Variants in SLC39A14 observed in about 807,000 individuals in gnomAD.
The protein encoded by SLC39A14 is solute carrier family 39 member 14, also known as metal cation symporter ZIP14.
Under a neutral mutation model 45.5 loss-of-function variants are expected in SLC39A14, and 19 were observed. The observed-to-expected ratio is 0.42, with a 90% CI of 0.29 to 0.61. The LOEUF (loss-of-function observed/expected upper bound fraction) is 0.61, where lower values mean the gene tolerates loss of function less well. SLC39A14 is among the 20% of genes least tolerant of loss of function. The pLI, the probability that SLC39A14 is intolerant of heterozygous loss-of-function variation, is 0.22. For synonymous variants in SLC39A14, 264 were observed against 251.3 expected (o/e 1.05, Z -0.48); for missense variants, 447 against 616.5 (o/e 0.73, Z 2.91).
chr8:22,395,152 G>A (rs969171803), intron 1 of SLC39A14, among the ~76,000 whole-genome samples: 13 of 152,106 alleles, frequency 8.5e-5, no homozygotes, highest in African/African-American at 2.9e-4. Context: ...TGAGACTACA[G>A]GTGTGCGCCA....
At chr8:22,377,803 G>A (rs1833296322) in intron 1 of SLC39A14, among the ~76,000 whole-genome samples, 1 of 152,148 alleles carries the variant, frequency 6.6e-6, no homozygotes, top group South Asian at 2.1e-4. Flanking sequence ...AGAGGCAAGT[G>A]TTTCTGATTT....
At chr8:22,382,153 C>T (rs545221921) in intron 1 of SLC39A14, among the ~76,000 whole-genome samples, 3 of 150,330 alleles carry the variant, frequency 2.0e-5, no homozygotes, top group Non-Finnish European at 3.0e-5. Context: ...AAAACAACAA[C>T]CAAAAAAAAC....
intron 1 of SLC39A14, 146 bp from the exon 2 acceptor site, chr8:22,404,550 T>G: frequency 1.5e-6 from 1 of 678,248 alleles, no homozygotes; most frequent in South Asian, 2.2e-5. Flanking sequence ...AAAAGAAGGG[T>G]TTTTCTCAAA....
chr8:22,386,059 C>T (rs1429433216), intron 1 of SLC39A14, among the ~76,000 whole-genome samples: 3 of 152,040 alleles, frequency 2.0e-5, no homozygotes, highest in Non-Finnish European at 2.9e-5. Context: ...CCTGCCTCAG[C>T]TTCCCAAGTA....
chr8:22,378,082 C>G (rs138154193), intron 1 of SLC39A14, among the ~76,000 whole-genome samples: 220 of 152,324 alleles, frequency 1.4e-3, no homozygotes, highest in African/African-American at 5.0e-3. Context: ...ACCACTACCA[C>G]TCATTTCCAT....
chr8:22,415,706 G>T (rs947342791), intron 5 of SLC39A14, 63 bp from the exon 6 acceptor site: 64 of 1,498,178 alleles, frequency 4.3e-5, no homozygotes, highest in Non-Finnish European at 2.5e-5. Context: ...CTTGGAGCAG[G>T]TGCTCAATCA....
At chr8:22,379,207 G>C (rs867935936) in intron 1 of SLC39A14, among the ~76,000 whole-genome samples, 21 of 152,164 alleles carry the variant, frequency 1.4e-4, no homozygotes, top group African/African-American at 5.1e-4. Context: ...ATTGGATTTA[G>C]GGCCCATCGT....
intron 1 of SLC39A14, among the ~76,000 whole-genome samples, chr8:22,388,520 G>A (rs1425388947): frequency 6.6e-6 from 1 of 152,038 alleles, no homozygotes; most frequent in East Asian, 1.9e-4. Flanking sequence ...ATTGCTGGAG[G>A]GACGGAGTGT....
At chr8:22,400,600 A>C (rs1014295729) in intron 1 of SLC39A14, among the ~76,000 whole-genome samples, 2 of 152,238 alleles carry the variant, frequency 1.3e-5, no homozygotes, top group African/African-American at 4.8e-5. Context: ...TGTGAATCTC[A>C]AAGTAGCACT....
At chr8:22,398,992 C>T (rs79627941) in intron 1 of SLC39A14, among the ~76,000 whole-genome samples, 1 of 152,338 alleles carries the variant, frequency 6.6e-6, no homozygotes, top group African/African-American at 2.4e-5. Context: ...AGTGCACCCT[C>T]AGGCAGAGAG....
Position 22,404,821 on chromosome 8 carries a change from T to C in SLC39A14, c.111T>C (p.Ala37=), listed in dbSNP as rs1432647611. The C allele has an allele frequency of 6.2e-7, 1 of 1,613,618 alleles. No individual in the cohort carries two copies. Among genetic ancestry groups the C allele is most frequent in the Non-Finnish European group, 8.5e-7 (1 of 1,179,550 alleles). ...ACGCTTCATCCCTGGGTGCACCAGCTATCAGCGCTGCCTCCTTCCTGCAGG... is the reference window on the plus strand; with the variant it reads ...ACGCTTCATCCCTGGGTGCACCAGCCATCAGCGCTGCCTCCTTCCTGCAGG... ...EAHASSLGAP[A]ISAASFLQDL... The change falls in exon 2 of 9, where the codon GCT becomes GCC. Residue 37 remains alanine, a synonymous_variant. Transcript: ENST00000381237.
chr8:22,432,507 C>T (rs1213749705), intron 8 of SLC39A14, among the ~76,000 whole-genome samples: 1 of 150,994 alleles, frequency 6.6e-6, no homozygotes, highest in African/African-American at 2.4e-5. Context: ...AGAACAGGGT[C>T]TTGCTCTGCC....
intron 1 of SLC39A14, among the ~76,000 whole-genome samples, chr8:22,369,847 C>G (rs1222660828): frequency 2.0e-5 from 3 of 151,928 alleles, no homozygotes; most frequent in Non-Finnish European, 4.4e-5. Flanking sequence ...ATTTAGGGGT[C>G]CCAGAGGCTG....
At chr8:22,411,765 G>A (rs1378315521) in intron 3 of SLC39A14, 2 of 405,304 alleles carry the variant, frequency 4.9e-6, no homozygotes, top group East Asian at 4.8e-5. Flanking sequence ...AAGTCACAGG[G>A]TTCCAAGGCC....
At position 22,420,715 on chromosome 8, in the gene SLC39A14, G is replaced by T. The variant is rs1353462658; in HGVS notation, c.*1017G>T. On this transcript the variant is annotated 3_prime_UTR_variant, in exon 9 of 9. Transcript: ENST00000381237. ...ACTTAGACAAGGGTAATCAGAAATG[G>T]AATCAGTGCAGGCAAAATTTAGGAT... 1.0e-6 allele frequency: 1 copy of T among 985,420 alleles called. No individual in the cohort carries two copies. The highest frequency in any genetic ancestry group is 1.2e-6 in the Non-Finnish European group (1 of 829,932). 61.0% of individuals were successfully genotyped at this position (985,420 alleles called of 1,614,324 possible). A position where few individuals can be genotyped will look rare whatever the true frequency, so the allele number is the denominator to read the frequency against.
chr8:22,425,028 C>CAAAAAAAA (rs71544902), downstream of SLC39A14, among the ~76,000 whole-genome samples: 1 of 74,344 alleles, frequency 1.3e-5, no homozygotes, highest in African/African-American at 4.6e-5. Context: ...GACTCCGTCT[C>CAAAAAAAA]AAAAAAAAAA....
rs559955528 is a variant in SLC39A14 at position 22,367,293 on chromosome 8, G to A, written c.-131G>A. ...CGGTGCCGGGGCCCGGACGCAGTGA[G>A]GGGGGTCGGCGCGCGTGTCTACGCG... is the stretch of plus-strand genomic sequence containing the variant. On this transcript the variant is annotated 5_prime_UTR_variant, in exon 1 of 9. Transcript: ENST00000381237. This position sits in a 1 kb window ranked among gnomAD's most constrained non-coding sequence, Gnocchi z 4.2. 1.3e-5 allele frequency: 2 copies of A among 151,376 alleles called. No homozygotes were observed. Among genetic ancestry groups the A allele is most frequent in the East Asian group, 1.9e-4 (1 of 5,200 alleles). 9.4% of individuals were successfully genotyped at this position (151,376 alleles called of 1,614,324 possible).
chr8:22,374,056 G>A (rs766618920), intron 1 of SLC39A14, among the ~76,000 whole-genome samples: 10 of 152,334 alleles, frequency 6.6e-5, no homozygotes, highest in Middle Eastern at 3.4e-3. Context: ...AAAGGCGTGA[G>A]CCACCGTGCC....
In SLC39A14 at chr8:22,421,928, G is replaced by A; in HGVS notation, c.*2230G>A. The A allele has an allele frequency of 1.0e-6, 1 of 985,416 alleles. No homozygotes were observed. The highest frequency in any genetic ancestry group is 1.2e-6 in the Non-Finnish European group (1 of 829,938). The allele number at this position is 985,416 out of a possible 1,614,324, so 61.0% of individuals were successfully genotyped here. ...CCTTCCATAGACAGCTGCCTCAAAG[G>A]GAAATCCTCTTTAAACCGTAGTTGG... On this transcript the variant is annotated 3_prime_UTR_variant, in exon 9 of 9. Coordinates refer to ENST00000381237, the MANE Select transcript of SLC39A14 (RefSeq NM_001128431.4).
Sources: allele counts gnomAD v4.1 joint callset (sites outside exome capture counted in the v4.1 genomes callset), GRCh38; gene constraint gnomAD v4.1.1; non-coding constraint Gnocchi (gnomAD v3.1); transcripts MANE v1.5; gene names NCBI Gene and HGNC (gene_info 2026-07-23, HGNC 2026-07-21).